BRD1: variants seen among roughly 807,000 people sequenced by gnomAD.
BRD1 encodes the protein bromodomain-containing protein 1.
In BRD1, 24 loss-of-function variants were observed where a neutral mutation model predicts 107.7. That is an observed-to-expected ratio of 0.22 (90% CI 0.16 to 0.31). The LOEUF is 0.31. Ranked by LOEUF, BRD1 falls within the 10% of genes least tolerant of loss-of-function variation. The pLI is 1.00. For missense variants in BRD1, 1,279 were observed against 1,638.6 expected, an observed-to-expected ratio of 0.78 and a Z score of 3.79; for synonymous variants, 744 against 686.1, an observed-to-expected ratio of 1.08 and a Z score of -1.32.
chr22:49,824,720 T>G lies in BRD1; in HGVS notation c.-14-389A>C. Reference sequence around the variant, plus strand: ...AGCATGCAGGCGGTCCCCCAGGAAGTCCACATACAGGGCTGGACCCCACCA... The same window carrying G: ...AGCATGCAGGCGGTCCCCCAGGAAGGCCACATACAGGGCTGGACCCCACCA... On this transcript the variant is annotated intron_variant, in intron 1 of 12. Transcript: ENST00000404760. This position sits in a 1 kb window ranked among gnomAD's most constrained non-coding sequence, Gnocchi z 5.9. The G allele has an allele frequency of 3.7e-6, 4 of 1,076,918 alleles. No individual in the cohort carries two copies. Among genetic ancestry groups the G allele is most frequent in the Non-Finnish European group, 4.5e-6 (4 of 885,086 alleles). 66.7% of individuals were successfully genotyped at this position (1,076,918 alleles called of 1,614,324 possible). A position where few individuals can be genotyped will look rare whatever the true frequency, so the allele number is the denominator to read the frequency against.
In BRD1 at chr22:49,777,664, G is replaced by A; in HGVS notation, c.2993+14C>T. On this transcript the variant is annotated intron_variant, in intron 9 of 12. Coordinates refer to ENST00000404760, the MANE Select transcript of BRD1 (RefSeq NM_001304808.3). ...GGAGCTGCGTGGTGGGAAGCGCAGG[G>A]CCGCGGTGCCCACCTCGAGTCGCAG... is the stretch of plus-strand genomic sequence containing the variant. 6.2e-7 allele frequency: 1 copy of A among 1,601,298 alleles called. No homozygotes were observed.
chr22:49,821,064 C>T (rs2060056470), intron 2 of BRD1: 1 of 152,378 alleles, frequency 6.6e-6, no homozygotes, highest in South Asian at 2.1e-4. Flanking sequence ...TACATGCTTT[C>T]AAATATTTAG....
chr22:49,776,884 G>T, intron 10 of BRD1, 150 bp downstream of exon 10: 1 of 1,158,166 alleles, frequency 8.6e-7, no homozygotes, highest in Non-Finnish European at 1.2e-6. Flanking sequence ...CCCTCGGTGT[G>T]TGATGAACCC....
chr22:49,794,915 A>G (rs1425268580), intron 6 of BRD1, among the ~76,000 whole-genome samples: 1 of 152,192 alleles, frequency 6.6e-6, no homozygotes, highest in Non-Finnish European at 1.5e-5. Context: ...TAAAGCACAA[A>G]TTACCTTAAA....
chr22:49,775,423 G>T, intron 12 of BRD1, 168 bp downstream of exon 12: 1 of 604,958 alleles, frequency 1.7e-6, no homozygotes, highest in Non-Finnish European at 2.5e-6. Flanking sequence ...AGGGGGCTGG[G>T]CAGTGCCCTT....
intron 8 of BRD1, among the ~76,000 whole-genome samples, chr22:49,781,413 G>A (rs926951232): frequency 5.9e-5 from 9 of 152,322 alleles, no homozygotes; most frequent in South Asian, 2.1e-4. Context: ...CTGGGGAGGC[G>A]GAGGCCTGCA....
intron 2 of BRD1, among the ~76,000 whole-genome samples, chr22:49,807,796 ACAG>A (rs1205602030): frequency 1.3e-5 from 2 of 152,248 alleles, no homozygotes; most frequent in African/African-American, 2.4e-5. Context: ...TAAAAGACAC[ACAG>A]CAGAGTGAAT....
rs376562200 is a variant in BRD1, at chr22:49,777,878, G to A, written c.2858-65C>T. ...AGGGCACACTGAAGCATGACTCAAC[G>A]ACGTTACACTTGGAACACATCTTAC... On this transcript the variant is annotated intron_variant, in intron 8 of 12. Coordinates refer to ENST00000404760, the MANE Select transcript of BRD1 (RefSeq NM_001304808.3). 165 of 1,521,120 alleles carry A rather than the reference G, an allele frequency of 1.1e-4. 2 individuals are homozygous for A. In the East Asian group the frequency reaches 2.4e-3, roughly 22 times the overall value. 94.2% of individuals were successfully genotyped at this position (1,521,120 alleles called of 1,614,324 possible). A position where few individuals can be genotyped will look rare whatever the true frequency, so the allele number is the denominator to read the frequency against.
Position 49,803,056 on chromosome 22 carries a change from G to A in BRD1, c.1524+1148C>T, listed in dbSNP as rs1467140240. Among the ~76,000 whole-genome samples the A allele has an allele frequency of 6.6e-6, 1 of 152,170 alleles. No individual in the cohort carries two copies. Among genetic ancestry groups the A allele is most frequent in the Non-Finnish European group, 1.5e-5 (1 of 68,032 alleles). ...ACCTGGAATATTCCACAGCCAAGAC[G>A]CACCAAGGCCGTCAGAAAACTTTGG... On this transcript the variant is annotated intron_variant, in intron 3 of 12. Transcript: ENST00000404760. The surrounding 1 kb of genome is among the most constrained non-coding windows in gnomAD (Gnocchi z 4.4).
chr22:49,784,057 A>G (rs1393619025), intron 8 of BRD1, among the ~76,000 whole-genome samples: 1 of 152,182 alleles, frequency 6.6e-6, no homozygotes, highest in Non-Finnish European at 1.5e-5. Flanking sequence ...CAGCCGAAGG[A>G]CACTGAAGAC....
At position 49,823,265 on chromosome 22, in the gene BRD1, A is replaced by G. The variant is rs767693432; in HGVS notation, c.1053T>C (p.His351=). 6.2e-7 allele frequency: 1 copy of G among 1,614,174 alleles called. No homozygotes were observed. The highest frequency in any genetic ancestry group is 1.1e-5 in the South Asian group (1 of 91,082). Residue 351 remains histidine, a synonymous_variant, in exon 2 of 13, where the codon CAT becomes CAC. Transcript: ENST00000404760. ...CHKANCYTAF[H]VTCAQKAGLY... ...GGCCAGCCTTCTGGGCACACGTCAC[A>G]TGGAATGCTGTGTAGCAGTTTGCTT...
intron 8 of BRD1, among the ~76,000 whole-genome samples, chr22:49,779,024 T>A (rs912499916): frequency 6.6e-6 from 1 of 152,184 alleles, no homozygotes; most frequent in South Asian, 2.1e-4. Context: ...CCTTAAAAAA[T>A]TTTTAAATCT....
At chr22:49,795,987 C>T (rs1434282406) in intron 6 of BRD1, among the ~76,000 whole-genome samples, 2 of 152,218 alleles carry the variant, frequency 1.3e-5, no homozygotes, top group East Asian at 3.8e-4. Context: ...GAGCCAGCAG[C>T]ACTGTTTGGA....
At chr22:49,795,391 GAGAA>G (rs148824693) in intron 6 of BRD1, among the ~76,000 whole-genome samples, 4,310 of 152,250 alleles carry the variant, frequency 0.028, 220 homozygotes, top group African/African-American at 0.099. Context: ...CCCAAATACT[GAGAA>G]AGAAAGAAAC....
intron 3 of BRD1, among the ~76,000 whole-genome samples, chr22:49,799,828 G>T (rs866488423): frequency 1.7e-4 from 26 of 152,350 alleles, no homozygotes; most frequent in Admixed American, 6.5e-4. Flanking sequence ...ATGGTCGCAG[G>T]AGAGTAGGCC....
At chr22:49,800,723 G>A (rs1224942746) in intron 3 of BRD1, among the ~76,000 whole-genome samples, 1 of 152,164 alleles carries the variant, frequency 6.6e-6, no homozygotes, top group Non-Finnish European at 1.5e-5. Flanking sequence ...CACTCAGAAG[G>A]ATCAAGGTTC....
At position 49,783,233 on chromosome 22, in the gene BRD1, C is replaced by T. The variant is rs1391600543; in HGVS notation, c.2857+4157G>A. On this transcript the variant is annotated intron_variant, in intron 8 of 12. Coordinates refer to ENST00000404760, the MANE Select transcript of BRD1 (RefSeq NM_001304808.3). This position sits in a 1 kb window ranked among gnomAD's most constrained non-coding sequence, Gnocchi z 4.2. ...TCCCACGCACAGATGCCCCACCCCA[C>T]GAGCAGGACTTCTCAGTTGGCCGCA... 6.6e-6 allele frequency among the ~76,000 whole-genome samples: 1 copy of T among 152,278 alleles called. No individual in the cohort carries two copies. The highest frequency in any genetic ancestry group is 2.4e-5 in the African/African-American group (1 of 41,470).
chr22:49,793,481 C>T (rs2059471519), intron 7 of BRD1, among the ~76,000 whole-genome samples: 2 of 152,230 alleles, frequency 1.3e-5, no homozygotes, highest in Admixed American at 1.3e-4. Flanking sequence ...TACCTACCAA[C>T]TCTGCAGAGG....
At chr22:49,785,402 C>T (rs989947979) in intron 8 of BRD1, among the ~76,000 whole-genome samples, 1 of 152,252 alleles carries the variant, frequency 6.6e-6, no homozygotes, top group Non-Finnish European at 1.5e-5. Flanking sequence ...GGAAGTGGAG[C>T]GTCAGCCGAA....
Sources: gnomAD v4.1 joint callset for allele counts (sites outside exome capture counted in the v4.1 genomes callset) on GRCh38, gnomAD v4.1.1 for gene constraint, Gnocchi (gnomAD v3.1) non-coding constraint, MANE v1.5 for transcripts, NCBI Gene and HGNC (gene_info 2026-07-23, HGNC 2026-07-21) for gene names.